The following WWOX variants were observed in gnomAD, a reference collection of about 807,000 sequenced individuals.
The protein encoded by WWOX is WW domain containing oxidoreductase.
In WWOX, 69 loss-of-function variants were observed where a neutral mutation model predicts 46.2. The ratio of observed to expected loss-of-function variants is 1.49; its 90% CI spans 1.23 to 1.82. The LOEUF (loss-of-function observed/expected upper bound fraction) is 1.82. WWOX is among the 40% of genes most tolerant of loss of function. WWOX has a pLI of 0.00. For missense variants in WWOX, 919 were observed against 542.6 expected (o/e 1.69, Z -6.89); for synonymous variants, 359 against 202.6 (o/e 1.77, Z -6.56).
At chr16:79,120,696 T>A (rs1437788482) in intron 8 of WWOX, among the ~76,000 whole-genome samples, 1 of 152,226 alleles carries the variant, frequency 6.6e-6, no homozygotes, top group Non-Finnish European at 1.5e-5. Context: ...GTGGTCACAT[T>A]ACTCTATCTG....
In WWOX at chr16:78,569,411, G is replaced by C. The variant is rs2044658223; in HGVS notation, c.1056+136659G>C. On this transcript the variant is annotated intron_variant, in intron 8 of 8. Coordinates refer to ENST00000566780, the MANE Select transcript of WWOX (RefSeq NM_016373.4). ...ACATTCACCTGTATTATACATTTCA[G>C]TTGGTCAAGTCATTTAATTTATCAT... Among the ~76,000 whole-genome samples, 4 of 152,168 alleles carry C rather than the reference G, an allele frequency of 2.6e-5. No individual in the cohort carries two copies. The South Asian group carries it at 6.2e-4, about 24-fold the overall frequency.
At chr16:78,462,595 C>G in intron 8 of WWOX, among the ~76,000 whole-genome samples, 1 of 152,266 alleles carries the variant, frequency 6.6e-6, no homozygotes, top group East Asian at 1.9e-4. Context: ...GAAGTGGAAC[C>G]GGGAGATCAG....
At chr16:78,677,639 C>T (rs1160732786) in intron 8 of WWOX, among the ~76,000 whole-genome samples, 1 of 152,176 alleles carries the variant, frequency 6.6e-6, no homozygotes, top group African/African-American at 2.4e-5. Context: ...TGATACCTGC[C>T]TGGGGCATGC....
chr16:78,790,200 G>A (rs964323256), intron 8 of WWOX, among the ~76,000 whole-genome samples: 4 of 152,032 alleles, frequency 2.6e-5, no homozygotes, highest in East Asian at 1.9e-4. Flanking sequence ...GCAGTGGTGC[G>A]ATCTCAGCTC....
At chr16:78,743,130 C>A (rs2049270945) in intron 8 of WWOX, among the ~76,000 whole-genome samples, 1 of 152,054 alleles carries the variant, frequency 6.6e-6, no homozygotes. Flanking sequence ...ACTTGAGTGT[C>A]TTTCTCTGTG....
At chr16:78,408,926 G>C (rs2082609748) in intron 6 of WWOX, among the ~76,000 whole-genome samples, 1 of 149,062 alleles carries the variant, frequency 6.7e-6, no homozygotes, top group African/African-American at 2.6e-5. Context: ...AGAAAGTACT[G>C]TGATTTAAAA....
At chr16:78,357,299 T>C (rs1019672160) in intron 5 of WWOX, among the ~76,000 whole-genome samples, 3 of 152,194 alleles carry the variant, frequency 2.0e-5, no homozygotes. Context: ...GACCTGACTT[T>C]GGGAATAGCA....
intron 8 of WWOX, among the ~76,000 whole-genome samples, chr16:78,771,575 C>T (rs1174281511): frequency 6.6e-6 from 1 of 152,058 alleles, no homozygotes; most frequent in Non-Finnish European, 1.5e-5. Context: ...AGTTCGAGAC[C>T]AGCCTGGCCA....
chr16:78,273,310 T>C (rs1232184362), intron 5 of WWOX, among the ~76,000 whole-genome samples: 1 of 151,526 alleles, frequency 6.6e-6, no homozygotes, highest in Non-Finnish European at 1.5e-5. Context: ...GGTTGAACTT[T>C]CTAAGTTTCC....
At chr16:78,663,996 G>T (rs908307360) in intron 8 of WWOX, among the ~76,000 whole-genome samples, 4 of 152,186 alleles carry the variant, frequency 2.6e-5, no homozygotes, top group African/African-American at 9.7e-5. Flanking sequence ...TTGACTTATG[G>T]TGATCACTAT....
At chr16:78,327,553 C>G (rs1405905590) in intron 5 of WWOX, among the ~76,000 whole-genome samples, 1 of 152,128 alleles carries the variant, frequency 6.6e-6, no homozygotes, top group African/African-American at 2.4e-5. Context: ...CCCATCTCCT[C>G]CAATCATTTG....
chr16:79,068,907 T>A (rs1441278565), intron 8 of WWOX, among the ~76,000 whole-genome samples: 1 of 151,742 alleles, frequency 6.6e-6, no homozygotes, highest in Non-Finnish European at 1.5e-5. Flanking sequence ...CGAAAGTGGT[T>A]CCTTGGGTCT....
chr16:78,399,166 T>C (rs1465435374), intron 6 of WWOX, among the ~76,000 whole-genome samples: 1 of 152,082 alleles, frequency 6.6e-6, no homozygotes, highest in Non-Finnish European at 1.5e-5. Context: ...GATAGAAGGT[T>C]GGAAGACAGG....
At chr16:78,933,454 A>G (rs774693308) in intron 8 of WWOX, among the ~76,000 whole-genome samples, 4 of 139,224 alleles carry the variant, frequency 2.9e-5, no homozygotes, top group African/African-American at 1.0e-4. Context: ...ACAAACAAAC[A>G]AAAAAAGTCA....
intron 8 of WWOX, among the ~76,000 whole-genome samples, chr16:78,452,245 C>A (rs1310791544): frequency 1.3e-5 from 2 of 152,082 alleles, no homozygotes; most frequent in African/African-American, 4.8e-5. Flanking sequence ...TGCGTAACAC[C>A]CTTTGAACAA....
At chr16:78,130,201 A>G (rs2151695265) in intron 4 of WWOX, 1 of 152,336 alleles carries the variant, frequency 6.6e-6, no homozygotes, top group South Asian at 2.1e-4. Context: ...ATATGTCCTT[A>G]TAGCAGCATG....
At chr16:78,277,059 G>A (rs896838087) in intron 5 of WWOX, among the ~76,000 whole-genome samples, 1 of 152,180 alleles carries the variant, frequency 6.6e-6, no homozygotes, top group Non-Finnish European at 1.5e-5. Context: ...GTTAAATTCG[G>A]TGTGGTCAGC....
intron 6 of WWOX, among the ~76,000 whole-genome samples, chr16:78,409,276 T>A (rs753543886): frequency 3.9e-5 from 6 of 152,186 alleles, no homozygotes; most frequent in African/African-American, 1.4e-4. Context: ...CTATGAATTA[T>A]GACAAACACA....
intron 8 of WWOX, among the ~76,000 whole-genome samples, chr16:78,705,764 A>G (rs926604220): frequency 6.6e-6 from 1 of 152,190 alleles, no homozygotes; most frequent in Non-Finnish European, 1.5e-5. Flanking sequence ...CAGAGCACAT[A>G]CTGCTTTTGT....
Sources: allele counts gnomAD v4.1 joint callset (sites outside exome capture counted in the v4.1 genomes callset), GRCh38; gene constraint gnomAD v4.1.1; transcripts MANE v1.5; gene names NCBI Gene and HGNC (gene_info 2026-07-23, HGNC 2026-07-21).